The following C14orf39 variants were observed in gnomAD, a reference collection of about 807,000 sequenced individuals.
C14orf39 encodes chromosome 14 open reading frame 39, also known as protein SIX6OS1.
In C14orf39, 66 loss-of-function variants were observed where a neutral mutation model predicts 85.6. That is an observed-to-expected ratio of 0.77 (90% CI 0.63 to 0.95). The LOEUF is 0.95. Among genes scored for constraint, C14orf39 ranks in the 40% least tolerant of loss-of-function variants. C14orf39 has a pLI of 0.00. For missense variants in C14orf39, 735 were observed against 663.9 expected (o/e 1.11, Z -1.18); for synonymous variants, 242 against 214.0 (o/e 1.13, Z -1.14).
chr14:60,513,725 T>C (rs1893325883), intron 1 of C14orf39, among the ~76,000 whole-genome samples: 1 of 151,514 alleles, frequency 6.6e-6, no homozygotes, highest in Admixed American at 6.6e-5. Context: ...AAATGATACC[T>C]AAAAGCAGAA....
intron 16 of C14orf39, among the ~76,000 whole-genome samples, chr14:60,443,178 T>G (rs1256348220): frequency 1.3e-5 from 2 of 152,068 alleles, no homozygotes; most frequent in Non-Finnish European, 2.9e-5. Flanking sequence ...GGTTGGACAG[T>G]GGGTGCAGCC....
In C14orf39 at chr14:60,464,974, T is replaced by C. The variant is rs139090201; in HGVS notation, c.972+1005A>G. Among the ~76,000 whole-genome samples, 174 of 152,248 alleles carry C rather than the reference T, an allele frequency of 1.1e-3. 2 individuals are homozygous for C. The East Asian group carries it at 0.02, about 17-fold the overall frequency. Reference sequence around the variant, plus strand: ...GCCTTATCTTTTTTCTTCTACTGTTTTAAAACTAACACATTCCATTTCTCT... The same window carrying C: ...GCCTTATCTTTTTTCTTCTACTGTTCTAAAACTAACACATTCCATTTCTCT... On this transcript the variant is annotated intron_variant, in intron 11 of 17. Coordinates refer to ENST00000321731, the MANE Select transcript of C14orf39 (RefSeq NM_174978.3).
chr14:60,441,931 G>C (rs1159487083), intron 17 of C14orf39, 143 bp downstream of exon 17: 1 of 558,492 alleles, frequency 1.8e-6, no homozygotes, highest in Non-Finnish European at 3.2e-6. Context: ...GAAAAAGAAA[G>C]AAAAGAATAT....
intron 9 of C14orf39, among the ~76,000 whole-genome samples, chr14:60,467,336 T>C (rs1357835961): frequency 1.3e-5 from 2 of 151,856 alleles, no homozygotes; most frequent in African/African-American, 4.8e-5. Flanking sequence ...AAAAACATTT[T>C]AAGCCAAAAC....
At chr14:60,509,259 A>G in intron 1 of C14orf39, 2 of 747,062 alleles carry the variant, frequency 2.7e-6, no homozygotes, top group Non-Finnish European at 2.2e-6. Flanking sequence ...CCGTTGAGCC[A>G]CCGCCGCCAC....
At chr14:60,485,202 C>T (rs995603423) in intron 1 of C14orf39, 116 bp from the exon 2 acceptor site, 2 of 856,576 alleles carry the variant, frequency 2.3e-6, no homozygotes, top group East Asian at 2.8e-5. Context: ...TGGGCAGAGC[C>T]AGAACTGGAA....
intron 16 of C14orf39, among the ~76,000 whole-genome samples, chr14:60,450,753 T>C (rs1890993770): frequency 6.6e-6 from 1 of 152,092 alleles, no homozygotes; most frequent in Admixed American, 6.6e-5. Context: ...AGTGCAGTCC[T>C]AGTCGAGATG....
chr14:60,442,208 A>T, intron 16 of C14orf39, 77 bp from the exon 17 acceptor site: 1 of 900,480 alleles, frequency 1.1e-6, no homozygotes, highest in Non-Finnish European at 1.7e-6. Flanking sequence ...TTGAATCTAA[A>T]GCTTAGTTCT....
intron 1 of C14orf39, chr14:60,509,152 G>T (rs1455209903): frequency 9.1e-6 from 5 of 550,454 alleles, no homozygotes; most frequent in Non-Finnish European, 1.6e-5. Context: ...CCCCAATAGC[G>T]GAGCCAGCTC....
rs1595468814 is a variant in C14orf39 at position 60,468,459 on chromosome 14, T to C, written c.753A>G (p.Lys251=). 2 of 1,588,120 alleles carry C rather than the reference T, an allele frequency of 1.3e-6. No individual in the cohort carries two copies. The highest frequency in any genetic ancestry group is 1.7e-6 in the Non-Finnish European group (2 of 1,163,900). Residue 251 remains lysine, a synonymous_variant, in exon 9 of 18, where the codon AAA becomes AAG. Coordinates refer to ENST00000321731, the MANE Select transcript of C14orf39 (RefSeq NM_174978.3). Reference sequence around the variant, plus strand: ...GTTACCTATACCTTTCTTTCAGTTCTTTTCTGTTTTCTGTATTTTTGTTCT... The same window carrying C: ...GTTACCTATACCTTTCTTTCAGTTCCTTTCTGTTTTCTGTATTTTTGTTCT... ...EEKNKNTENR[K]ELKERIFGKD...
chr14:60,492,217 T>A (rs923061399), intron 2 of C14orf39, among the ~76,000 whole-genome samples: 2 of 152,214 alleles, frequency 1.3e-5, no homozygotes, highest in Non-Finnish European at 2.9e-5. Context: ...GTAAAGACCT[T>A]CCACAGGAAG....
At position 60,491,632 on chromosome 14, in the gene C14orf39, T is replaced by A. The variant is rs901492598; in HGVS notation, c.-8-6546A>T. Among the ~76,000 whole-genome samples, 24 of 152,188 alleles carry A rather than the reference T, an allele frequency of 1.6e-4. No individual in the cohort carries two copies. The highest frequency in any genetic ancestry group is 5.6e-4 in the African/African-American group (23 of 41,438). On this transcript the variant is annotated intron_variant, in intron 2 of 5. Coordinates refer to the C14orf39 transcript ENST00000556799. The surrounding 1 kb of genome is among the most constrained non-coding windows in gnomAD (Gnocchi z 4.5). ...CATCATAAATCCTACCAATTTTTCC[T>A]CTTAAATATCTTCCATCCATTTTTC...
intron 5 of C14orf39, among the ~76,000 whole-genome samples, chr14:60,473,636 C>T (rs1353054666): frequency 6.6e-6 from 1 of 152,146 alleles, no homozygotes; most frequent in Middle Eastern, 3.2e-3. Flanking sequence ...GCCAGTTTTC[C>T]CAGCACCATT....
chr14:60,483,941 C>A, intron 3 of C14orf39, 124 bp from the exon 4 acceptor site: 1 of 642,452 alleles, frequency 1.6e-6, no homozygotes, highest in Non-Finnish European at 2.5e-6. Flanking sequence ...GGAGAGGAAA[C>A]GAGGCTTGAG....
intron 1 of C14orf39, chr14:60,509,686 C>T: frequency 6.2e-7 from 1 of 1,614,048 alleles, no homozygotes; most frequent in Non-Finnish European, 8.5e-7. Context: ...AAGCACACTA[C>T]CAGGAGGCTG....
chr14:60,514,586 C>T (rs1893335997), intron 1 of C14orf39, among the ~76,000 whole-genome samples: 1 of 152,172 alleles, frequency 6.6e-6, no homozygotes, highest in Non-Finnish European at 1.5e-5. Flanking sequence ...TCCCTCCTTT[C>T]CCTTCGCCAG....
intron 16 of C14orf39, among the ~76,000 whole-genome samples, chr14:60,444,462 C>A (rs989292363): frequency 6.6e-6 from 1 of 151,790 alleles, no homozygotes; most frequent in Non-Finnish European, 1.5e-5. Flanking sequence ...GATTGAAGAT[C>A]AAATTAATGA....
rs771320209 is a variant in C14orf39, at chr14:60,485,045, G to A, written c.34C>T (p.Leu12Phe). Residue 12 changes from leucine to phenylalanine, a missense_variant, in exon 2 of 18, where the codon CTT becomes TTT. Physicochemically the swap from Leu to Phe is conservative, Grantham distance 22. Transcript: ENST00000321731. ...TTATACCTACCAAATTCTAGCAAAA[G>A]TCTGTCCAAACTGACAAACAGGCTG... ...NDSLFVSLDR[L>F]LLEFVFQYEQ... 14 of 1,609,368 alleles carry A rather than the reference G, an allele frequency of 8.7e-6. No homozygotes were observed. In the South Asian group the frequency reaches 1.6e-4, roughly 18 times the overall value.
At chr14:60,510,741 C>G (rs945950645) in intron 1 of C14orf39, among the ~76,000 whole-genome samples, 1 of 152,246 alleles carries the variant, frequency 6.6e-6, no homozygotes, top group African/African-American at 2.4e-5. Context: ...CCGATCTGTC[C>G]TTGTCACCCA....
Sources: allele counts gnomAD v4.1 joint callset (sites outside exome capture counted in the v4.1 genomes callset), GRCh38; gene constraint gnomAD v4.1.1; non-coding constraint Gnocchi (gnomAD v3.1); transcripts MANE v1.5; gene names NCBI Gene and HGNC (gene_info 2026-07-23, HGNC 2026-07-21).